Variants in FAT3 observed in about 807,000 individuals in gnomAD.
FAT3 encodes protocadherin Fat 3.
A neutral mutation model predicts 310.2 loss-of-function variants in FAT3; 95 were observed. The ratio of observed to expected loss-of-function variants is 0.31; its 90% CI spans 0.26 to 0.36. The LOEUF is 0.36. Among genes scored for constraint, FAT3 ranks in the 10% least tolerant of loss-of-function variants. The probability of loss-of-function intolerance (pLI) is 1.00; values close to 1 mark genes in which losing one functional copy is unlikely to be tolerated. For synonymous variants in FAT3, 2,314 were observed against 2,192.9 expected, an observed-to-expected ratio of 1.06 and a Z score of -1.54; for missense variants, 5,408 against 5,715.6, an observed-to-expected ratio of 0.95 and a Z score of 1.74.
intron 1 of FAT3, among the ~76,000 whole-genome samples, chr11:92,300,341 T>A (rs1306072738): frequency 6.6e-6 from 1 of 152,026 alleles, no homozygotes; most frequent in Non-Finnish European, 1.5e-5. Context: ...CCTGTGAGAG[T>A]TTGGGTGTGC....
intron 3 of FAT3, among the ~76,000 whole-genome samples, chr11:92,555,155 G>A (rs530011427): frequency 2.0e-5 from 3 of 152,270 alleles, no homozygotes; most frequent in African/African-American, 7.2e-5. Context: ...AAAATTTGCA[G>A]GTACTGCAAA....
chr11:92,252,996 A>G (rs1272674244), intron 1 of FAT3, among the ~76,000 whole-genome samples: 1 of 152,130 alleles, frequency 6.6e-6, no homozygotes, highest in Non-Finnish European at 1.5e-5. Context: ...TTTCCTAGGC[A>G]GCTTGACTAT....
intron 4 of FAT3, among the ~76,000 whole-genome samples, chr11:92,755,997 G>A (rs1257633684): frequency 6.6e-6 from 1 of 152,120 alleles, no homozygotes; most frequent in Non-Finnish European, 1.5e-5. Context: ...GTAGATGCTA[G>A]GAATATGTCT....
chr11:92,296,577 C>T (rs570583467), intron 1 of FAT3, among the ~76,000 whole-genome samples: 3 of 152,026 alleles, frequency 2.0e-5, no homozygotes, highest in Admixed American at 6.6e-5. Flanking sequence ...CTGGTGGCCA[C>T]GTGCATGTCA....
chr11:92,481,268 A>C (rs1472824842), intron 2 of FAT3, among the ~76,000 whole-genome samples: 1 of 152,052 alleles, frequency 6.6e-6, no homozygotes, highest in African/African-American at 2.4e-5. Flanking sequence ...ATTATATATA[A>C]TTTGAAAAAT....
At chr11:92,483,725 A>ACTCT (rs10680024) in intron 2 of FAT3, among the ~76,000 whole-genome samples, 82,945 of 151,412 alleles carry the variant, frequency 0.55, 23,259 homozygotes, top group East Asian at 0.69. Context: ...TAAGGTACAA[A>ACTCT]CTCTCACTAG....
chr11:92,767,331 A>T (rs904463843), intron 6 of FAT3, among the ~76,000 whole-genome samples: 2 of 151,578 alleles, frequency 1.3e-5, no homozygotes, highest in African/African-American at 4.9e-5. Context: ...CTGTCCTGAG[A>T]TTAGATGAGT....
intron 10 of FAT3, among the ~76,000 whole-genome samples, chr11:92,803,497 T>A (rs1947422227): frequency 6.6e-6 from 1 of 152,220 alleles, no homozygotes; most frequent in Non-Finnish European, 1.5e-5. Context: ...AATATTCAAC[T>A]AAAGCATAAT....
chr11:92,558,077 G>A (rs1193826083), intron 3 of FAT3, among the ~76,000 whole-genome samples: 1 of 152,092 alleles, frequency 6.6e-6, no homozygotes, highest in Non-Finnish European at 1.5e-5. Context: ...ATATGAATCA[G>A]CCTATAAAGC....
intron 1 of FAT3, among the ~76,000 whole-genome samples, chr11:92,306,157 G>A (rs1348337820): frequency 6.6e-6 from 1 of 151,740 alleles, no homozygotes; most frequent in Non-Finnish European, 1.5e-5. Context: ...CCCTGTCTAT[G>A]TATAGCTAGT....
Position 92,829,430 on chromosome 11 carries a change from C to T in FAT3, c.9482-2192C>T, listed in dbSNP as rs571042331. ...AATCGCTGATGTGTTTCCATAAATGCATTTTTGTGACTTGGAGAGGCATCC... is the reference window on the plus strand; with the variant it reads ...AATCGCTGATGTGTTTCCATAAATGTATTTTTGTGACTTGGAGAGGCATCC... On this transcript the variant is annotated intron_variant, in intron 13 of 27. Transcript: ENST00000525166. Among the ~76,000 whole-genome samples, 15 of 152,294 alleles carry T rather than the reference C, an allele frequency of 9.8e-5. No individual in the cohort carries two copies. The East Asian group carries it at 2.9e-3, about 29-fold the overall frequency.
At position 92,412,728 on chromosome 11, in the gene FAT3, T is replaced by TACAC. The variant is rs1398739246; in HGVS notation, c.3292+57325_3292+57326insCACA. ...ATATATATATATATATATATATATA[T>TACAC]ATATATATATATATATAAATATACA... On this transcript the variant is annotated intron_variant, in intron 2 of 27. Coordinates refer to ENST00000525166, the MANE Select transcript of FAT3 (RefSeq NM_001367949.2). Among the ~76,000 whole-genome samples, 62 of 45,922 alleles carry TACAC rather than the reference T, an allele frequency of 1.4e-3. 6 individuals carry two copies. The highest frequency in any genetic ancestry group is 2.7e-3 in the Admixed American group (9 of 3,390). 30.1% of individuals were successfully genotyped at this position (45,922 alleles called of 152,430 possible).
At chr11:92,761,804 A>G (rs1946157508) in intron 4 of FAT3, 52 bp from the exon 5 acceptor site, 1 of 1,531,438 alleles carries the variant, frequency 6.5e-7, no homozygotes, top group East Asian at 2.3e-5. Context: ...GTTAACATGT[A>G]ATAGCAAGAA....
chr11:92,827,602 C>T (rs990481401), intron 13 of FAT3, among the ~76,000 whole-genome samples: 1 of 152,172 alleles, frequency 6.6e-6, no homozygotes, highest in Admixed American at 6.5e-5. Context: ...CTTTTATGTA[C>T]AGTCCCACGT....
At chr11:92,790,341 A>G in intron 8 of FAT3, 123 bp downstream of exon 8, 1 of 1,063,500 alleles carries the variant, frequency 9.4e-7, no homozygotes, top group African/African-American at 1.6e-5. Context: ...GTCTTTTCAC[A>G]GAGAGATTGC....
chr11:92,825,525 G>A (rs1948079494), intron 13 of FAT3, among the ~76,000 whole-genome samples: 1 of 152,154 alleles, frequency 6.6e-6, no homozygotes, highest in African/African-American at 2.4e-5. Flanking sequence ...AACATTCGGA[G>A]AAGAGGGCAA....
chr11:92,427,827 TTTC>T (rs1950670218), intron 2 of FAT3, among the ~76,000 whole-genome samples: 1 of 152,124 alleles, frequency 6.6e-6, no homozygotes, highest in Non-Finnish European at 1.5e-5. Context: ...GGCATGAAAT[TTTC>T]TTTTTTTGTT....
At chr11:92,445,412 G>C (rs1193507530) in intron 2 of FAT3, among the ~76,000 whole-genome samples, 2 of 151,984 alleles carry the variant, frequency 1.3e-5, no homozygotes, top group South Asian at 4.2e-4. Context: ...GAGAATCACT[G>C]GTTTTCATTG....
At chr11:92,840,474 T>C (rs948268153) in intron 17 of FAT3, 88 bp from the exon 18 acceptor site, 63 of 1,212,862 alleles carry the variant, frequency 5.2e-5, no homozygotes, top group Non-Finnish European at 6.9e-5. Context: ...GAAATGATGG[T>C]ATTTTTGATT....
Sources: gnomAD v4.1 joint callset for allele counts (sites outside exome capture counted in the v4.1 genomes callset) on GRCh38, gnomAD v4.1.1 for gene constraint, MANE v1.5 for transcripts, NCBI Gene and HGNC (gene_info 2026-07-23, HGNC 2026-07-21) for gene names.